Variants in MAPK4 observed in about 807,000 individuals in gnomAD.
MAPK4 encodes the protein Erk3-related.
MAPK4 carries 22 observed loss-of-function variants against 47.7 expected under a neutral mutation model. That is an observed-to-expected ratio of 0.46 (90% CI 0.33 to 0.66). The LOEUF (loss-of-function observed/expected upper bound fraction) is 0.66. Ranked by LOEUF, MAPK4 falls within the 30% of genes least tolerant of loss-of-function variation. The probability of loss-of-function intolerance (pLI) is 0.02; values close to 1 mark genes in which losing one functional copy is unlikely to be tolerated. For synonymous variants in MAPK4, 390 were observed against 365.7 expected (o/e 1.07, Z -0.76); for missense variants, 736 against 831.7 (o/e 0.88, Z 1.42).
Position 50,713,897 on chromosome 18 carries a change from C to T in MAPK4, c.547-1182C>T, listed in dbSNP as rs115427042. Among the ~76,000 whole-genome samples the T allele has an allele frequency of 6.0e-3, 913 of 152,204 alleles. 15 individuals are homozygous for T. Among genetic ancestry groups the T allele is most frequent in the African/African-American group, 0.021 (877 of 41,512 alleles). On this transcript the variant is annotated intron_variant, in intron 2 of 5. Transcript: ENST00000400384. Reference sequence around the variant, plus strand: ...TTCTGCTTTTCCTCCTTCCTTCTACCAGTTTGAGGCTCTACTCGGAGGAAA... The same window carrying T: ...TTCTGCTTTTCCTCCTTCCTTCTACTAGTTTGAGGCTCTACTCGGAGGAAA...
In MAPK4 at chr18:50,729,296, C is replaced by G; in HGVS notation, c.1206C>G (p.His402Gln). The change falls in exon 6 of 6, where the codon CAC (histidine) becomes CAG (glutamine). Residue 402 changes from histidine (H) to glutamine (Q), a missense_variant. Physicochemically the swap from His to Gln is conservative, Grantham distance 24. This residue lies in a region of MAPK4 where 377 missense variants were observed against 378.6 expected (regional missense o/e 1.00). Coordinates refer to ENST00000400384, the MANE Select transcript of MAPK4 (RefSeq NM_002747.4). ...DVQVDPRKDSHSSSERFLEQS... is the reference protein window; with the variant it reads ...DVQVDPRKDSQSSSERFLEQS... ...AGGTGGACCCGCGCAAGGACTCGCA[C>G]AGCAGCTCCGAGCGCTTCCTAGAGC... The G allele has an allele frequency of 6.2e-7, 1 of 1,608,274 alleles. No individual in the cohort carries two copies.
intron 2 of MAPK4, among the ~76,000 whole-genome samples, chr18:50,679,203 A>G (rs1164945453): frequency 6.6e-6 from 1 of 152,196 alleles, no homozygotes; most frequent in African/African-American, 2.4e-5. Context: ...GGTTTTCAGT[A>G]GCCCACTTGC....
Position 50,729,717 on chromosome 18 carries a change from A to C in MAPK4, c.1627A>C (p.Ile543Leu), listed in dbSNP as rs748855629. 3 of 1,581,774 alleles carry C rather than the reference A, an allele frequency of 1.9e-6. No individual in the cohort carries two copies. In the South Asian group the frequency reaches 3.5e-5, roughly 18 times the overall value. The part of the protein sequence containing the change: ...ASPQFDLDVF[I>L]SRALKLCTKP... ...CCCCCAGTTCGACCTGGACGTGTTCATCTCCCGCGCCCTGAAGCTCTGCAC... is the reference window on the plus strand; with the variant it reads ...CCCCCAGTTCGACCTGGACGTGTTCCTCTCCCGCGCCCTGAAGCTCTGCAC... Residue 543 changes from isoleucine to leucine, a missense_variant, in exon 6 of 6, where the codon ATC becomes CTC. By Grantham distance (5) the Ile-to-Leu change is conservative. Coordinates refer to ENST00000400384, the MANE Select transcript of MAPK4 (RefSeq NM_002747.4).
chr18:50,648,533 C>T (rs565519334), intron 1 of MAPK4, among the ~76,000 whole-genome samples: 13 of 152,072 alleles, frequency 8.5e-5, no homozygotes, highest in African/African-American at 1.4e-4. Flanking sequence ...TGCAGGAGGG[C>T]GGCAGAGAGA....
chr18:50,591,755 G>A lies in MAPK4; in HGVS notation c.-871+31512G>A, dbSNP rs371133103. Among the ~76,000 whole-genome samples, 22 of 151,890 alleles carry A rather than the reference G, an allele frequency of 1.4e-4. No individual in the cohort carries two copies. The East Asian group carries it at 2.7e-3, about 19-fold the overall frequency. The stretch of plus-strand genomic sequence containing the variant: ...AGGAAGATTAAGTGAATTGCTCAAG[G>A]TCACATATTTAGTAAATGCAAGAAC... On this transcript the variant is annotated intron_variant, in intron 1 of 5. Coordinates refer to ENST00000400384, the MANE Select transcript of MAPK4 (RefSeq NM_002747.4).
rs375703786 is a variant in MAPK4, at chr18:50,721,991, C to T, written c.745C>T (p.Arg249Trp). The T allele has an allele frequency of 5.6e-6, 9 of 1,614,070 alleles. No individual in the cohort carries two copies. The African/African-American group carries it at 6.7e-5, about 12-fold the overall frequency. Reference sequence around the variant, plus strand: ...CATCCTGGAGACCATCCCTGTAATCCGGGAGGAAGACAAGGACGAGCTGCT... The same window carrying T: ...CATCCTGGAGACCATCCCTGTAATCTGGGAGGAAGACAAGGACGAGCTGCT... ...QLILETIPVI[R>W]EEDKDELLRV... Residue 249 changes from arginine to tryptophan, a missense_variant, in exon 4 of 6, where the codon CGG (arginine) becomes TGG (tryptophan). By Grantham distance (101) the Arg-to-Trp change is moderately radical (BLOSUM62 -3). Transcript: ENST00000400384.
At chr18:50,700,468 A>G in intron 2 of MAPK4, among the ~76,000 whole-genome samples, 1 of 152,222 alleles carries the variant, frequency 6.6e-6, no homozygotes, top group Non-Finnish European at 1.5e-5. Context: ...ACTGTTGCAT[A>G]TATTTCAGTT....
chr18:50,666,937 G>A (rs1325044775), intron 2 of MAPK4, among the ~76,000 whole-genome samples: 1 of 152,156 alleles, frequency 6.6e-6, no homozygotes, highest in African/African-American at 2.4e-5. Context: ...AAGCACTTAG[G>A]GCAAATGGTT....
intron 1 of MAPK4, among the ~76,000 whole-genome samples, chr18:50,572,502 G>T (rs2042258579): frequency 6.6e-6 from 1 of 152,080 alleles, no homozygotes; most frequent in African/African-American, 2.4e-5. Flanking sequence ...GTCTATACCT[G>T]CTGTCATTTT....
intron 2 of MAPK4, among the ~76,000 whole-genome samples, chr18:50,696,727 G>A (rs76844856): frequency 0.019 from 2,828 of 152,286 alleles, 99 homozygotes; most frequent in African/African-American, 0.064. Context: ...TTGTTTACAC[G>A]GATTCTATGT....
At position 50,715,201 on chromosome 18, in the gene MAPK4, T is replaced by C; in HGVS notation, c.669T>C (p.Leu223=). The change falls in exon 3 of 6, where the codon CTT becomes CTC. Residue 223 remains leucine, a synonymous_variant. Transcript: ENST00000400384. ...WAAGCILAEM[L]TGRMLFAGAH... ...CCGGCTGCATCCTGGCTGAGATGCTTACGGGGAGAATGCTCTTTGCTGGTG... is the reference window on the plus strand; with the variant it reads ...CCGGCTGCATCCTGGCTGAGATGCTCACGGGGAGAATGCTCTTTGCTGGTG... 2 of 1,614,096 alleles carry C rather than the reference T, an allele frequency of 1.2e-6. No individual in the cohort carries two copies. The highest frequency in any genetic ancestry group is 1.7e-6 in the Non-Finnish European group (2 of 1,180,000).
chr18:50,606,121 A>C (rs570492829), intron 1 of MAPK4, among the ~76,000 whole-genome samples: 1 of 152,046 alleles, frequency 6.6e-6, no homozygotes, highest in Non-Finnish European at 1.5e-5. Context: ...CTGCAGAGGG[A>C]ATGGGAACGT....
At chr18:50,706,047 A>G (rs1020401375) in intron 2 of MAPK4, 6 of 152,214 alleles carry the variant, frequency 3.9e-5, no homozygotes, top group African/African-American at 1.4e-4. Flanking sequence ...TCACAGGGTC[A>G]TTTTGATAAT....
rs138992946 is a variant in MAPK4, at chr18:50,680,078, C to CTTT, written c.546+15602_546+15604dup. On this transcript the variant is annotated intron_variant, in intron 2 of 5. Transcript: ENST00000400384. Reference sequence around the variant, plus strand: ...CAGTGCTTTTATATTTGCTTTTAAACTTTTTTTTTTTTTTTTTTTTTTTTT... The same window carrying CTTT: ...CAGTGCTTTTATATTTGCTTTTAAACTTTTTTTTTTTTTTTTTTTTTTTTTTTT... Among the ~76,000 whole-genome samples, 137 of 54,346 alleles carry CTTT rather than the reference C, an allele frequency of 2.5e-3. 13 individuals are homozygous for CTTT. Among genetic ancestry groups the CTTT allele is most frequent in the African/African-American group, 0.01 (130 of 12,384 alleles). The allele number at this position is 54,346 out of a possible 152,430, so 35.7% of individuals were successfully genotyped here. A position where few individuals can be genotyped will look rare whatever the true frequency, so the allele number is the denominator to read the frequency against.
intron 2 of MAPK4, among the ~76,000 whole-genome samples, chr18:50,686,966 T>C (rs1323925747): frequency 6.6e-6 from 1 of 152,238 alleles, no homozygotes; most frequent in South Asian, 2.1e-4. Flanking sequence ...GTTTTATATA[T>C]GTATGCATCT....
chr18:50,570,827 A>C (rs2042243453), intron 1 of MAPK4, among the ~76,000 whole-genome samples: 1 of 152,198 alleles, frequency 6.6e-6, no homozygotes, highest in South Asian at 2.1e-4. Flanking sequence ...CAAAAAGCAA[A>C]GTGTATTTCC....
chr18:50,683,453 GGT>G (rs3045776), intron 2 of MAPK4, among the ~76,000 whole-genome samples: 9,166 of 141,766 alleles, frequency 0.065, 306 homozygotes, highest in African/African-American at 0.097. Flanking sequence ...TTGGTGATGG[GGT>G]GTGTGTGTGT....
intron 1 of MAPK4, among the ~76,000 whole-genome samples, chr18:50,627,534 A>G (rs973173888): frequency 1.3e-5 from 2 of 152,152 alleles, no homozygotes; most frequent in Non-Finnish European, 2.9e-5. Flanking sequence ...TTGAAAGCAG[A>G]GCTGAACACC....
chr18:50,729,137 G>C, intron 5 of MAPK4, 21 bp from the exon 6 acceptor site: 1 of 1,530,306 alleles, frequency 6.5e-7, no homozygotes, highest in Non-Finnish European at 8.9e-7. Flanking sequence ...TCCAATCACC[G>C]CTCTGTTTGT....
Sources: gnomAD v4.1 joint callset for allele counts (sites outside exome capture counted in the v4.1 genomes callset) on GRCh38, gnomAD v4.1.1 for gene constraint, gnomAD v4.1.1 regional missense constraint, MANE v1.5 for transcripts, NCBI Gene and HGNC (gene_info 2026-07-23, HGNC 2026-07-21) for gene names.